PARD3: variants seen among roughly 807,000 people sequenced by gnomAD.
The protein encoded by PARD3 is par-3 family cell polarity regulator.
PARD3 carries 75 observed loss-of-function variants against 155.4 expected under a neutral mutation model. The ratio of observed to expected loss-of-function variants is 0.48; its 90% CI spans 0.40 to 0.58. PARD3 has a LOEUF of 0.58. PARD3 is among the 20% of genes least tolerant of loss of function. The pLI is 0.00. For missense variants in PARD3, 1,642 were observed against 1,721.7 expected (o/e 0.95, Z 0.82); for synonymous variants, 576 against 610.5 (o/e 0.94, Z 0.83).
chr10:34,238,497 CT>C (rs1350780393), intron 22 of PARD3, among the ~76,000 whole-genome samples: 1 of 152,110 alleles, frequency 6.6e-6, no homozygotes, highest in Non-Finnish European at 1.5e-5. Flanking sequence ...AACAAACTCC[CT>C]TAGTCCCAAA....
At chr10:34,446,079 AAAATGT>A (rs2076723962) in intron 5 of PARD3, among the ~76,000 whole-genome samples, 1 of 152,214 alleles carries the variant, frequency 6.6e-6, no homozygotes, top group Non-Finnish European at 1.5e-5. Flanking sequence ...GTTATTAGGA[AAAATGT>A]ATTTGCTTTT....
intron 22 of PARD3, among the ~76,000 whole-genome samples, chr10:34,154,941 T>C (rs545391994): frequency 9.2e-5 from 14 of 152,302 alleles, no homozygotes; most frequent in East Asian, 7.7e-4. Flanking sequence ...ATTATGTAAA[T>C]TGTTGAGAAT....
chr10:34,644,885 A>T (rs1039167504), intron 2 of PARD3, among the ~76,000 whole-genome samples: 4 of 152,162 alleles, frequency 2.6e-5, no homozygotes, highest in African/African-American at 9.7e-5. Flanking sequence ...ATAGGGTCTT[A>T]CTCTGTCGCC....
chr10:34,350,330 C>T (rs1837915623), intron 14 of PARD3, among the ~76,000 whole-genome samples: 1 of 152,114 alleles, frequency 6.6e-6, no homozygotes, highest in Non-Finnish European at 1.5e-5. Context: ...CTTGCAGGCT[C>T]CTTATATTAA....
chr10:34,227,351 C>G (rs1168564554), intron 22 of PARD3, among the ~76,000 whole-genome samples: 1 of 152,034 alleles, frequency 6.6e-6, no homozygotes, highest in Non-Finnish European at 1.5e-5. Flanking sequence ...ATTAAAAAGT[C>G]AAGGCTGGGC....
intron 2 of PARD3, among the ~76,000 whole-genome samples, chr10:34,594,708 G>A (rs567105059): frequency 1.3e-5 from 2 of 152,150 alleles, no homozygotes; most frequent in Admixed American, 6.6e-5. Flanking sequence ...GCTCATGCCC[G>A]TAGTCTCAGC....
chr10:34,636,195 GCC>G (rs1470455343), intron 2 of PARD3, among the ~76,000 whole-genome samples: 1 of 151,974 alleles, frequency 6.6e-6, no homozygotes, highest in African/African-American at 2.4e-5. Flanking sequence ...TGTGCCCAGG[GCC>G]CTCATCAGTT....
intron 20 of PARD3, among the ~76,000 whole-genome samples, chr10:34,306,929 C>G (rs1278451890): frequency 2.0e-5 from 3 of 152,214 alleles, no homozygotes; most frequent in Admixed American, 1.3e-4. Context: ...TTCTGTCCCC[C>G]ACACTGGAGT....
intron 22 of PARD3, among the ~76,000 whole-genome samples, chr10:34,252,217 C>CT (rs1055603099): frequency 3.3e-5 from 5 of 152,134 alleles, no homozygotes; most frequent in African/African-American, 1.2e-4. Context: ...CCCCCAGCTG[C>CT]TGTGCTTTGG....
chr10:34,633,497 T>C (rs1228015495), intron 2 of PARD3, among the ~76,000 whole-genome samples: 1 of 152,244 alleles, frequency 6.6e-6, no homozygotes, highest in Non-Finnish European at 1.5e-5. Context: ...TCTAGTTCCA[T>C]ACACGTTGTC....
At chr10:34,546,398 G>A (rs1045579690) in intron 2 of PARD3, among the ~76,000 whole-genome samples, 2 of 151,800 alleles carry the variant, frequency 1.3e-5, no homozygotes, top group Non-Finnish European at 2.9e-5. Context: ...GCACCTGTAA[G>A]CCTAGCTACT....
chr10:34,226,886 C>T (rs1952626624), intron 22 of PARD3, among the ~76,000 whole-genome samples: 1 of 152,206 alleles, frequency 6.6e-6, no homozygotes, highest in East Asian at 1.9e-4. Context: ...AAGGAAGGAA[C>T]TATTGATATA....
intron 22 of PARD3, among the ~76,000 whole-genome samples, chr10:34,237,497 G>C (rs1432198272): frequency 6.6e-6 from 1 of 152,112 alleles, no homozygotes; most frequent in Non-Finnish European, 1.5e-5. Context: ...TGTAGAAATA[G>C]GAGAAATGCT....
intron 20 of PARD3, among the ~76,000 whole-genome samples, chr10:34,289,691 C>T (rs1196996860): frequency 6.6e-6 from 1 of 152,148 alleles, no homozygotes; most frequent in East Asian, 1.9e-4. Flanking sequence ...TTATTCAGAG[C>T]AGAATTGATT....
At chr10:34,793,099 G>A (rs984804554) in intron 1 of PARD3, among the ~76,000 whole-genome samples, 1 of 152,236 alleles carries the variant, frequency 6.6e-6, no homozygotes, top group African/African-American at 2.4e-5. Context: ...AGAAGCCCAG[G>A]GTGGTGCAGT....
At chr10:34,479,846 CAGAG>C (rs1719392008) in intron 3 of PARD3, among the ~76,000 whole-genome samples, 1 of 152,150 alleles carries the variant, frequency 6.6e-6, no homozygotes, top group African/African-American at 2.4e-5. Flanking sequence ...TTTGCGGACT[CAGAG>C]AGGGGTCTTT....
At chr10:34,430,005 T>C (rs1175837143) in intron 5 of PARD3, among the ~76,000 whole-genome samples, 4 of 152,178 alleles carry the variant, frequency 2.6e-5, no homozygotes, top group Non-Finnish European at 5.9e-5. Flanking sequence ...GCTAAGATTA[T>C]AGGAATGAGT....
chr10:34,645,810 GA>G (rs1350543854), intron 2 of PARD3, among the ~76,000 whole-genome samples: 1 of 152,180 alleles, frequency 6.6e-6, no homozygotes, highest in African/African-American at 2.4e-5. Flanking sequence ...CTGATGAGCA[GA>G]TTTTTAGAGC....
chr10:34,287,560 T>C (rs1422222419), intron 20 of PARD3, among the ~76,000 whole-genome samples: 1 of 152,146 alleles, frequency 6.6e-6, no homozygotes, highest in Non-Finnish European at 1.5e-5. Context: ...TTGGTTGATT[T>C]TGCAAGTTTT....
Sources: gnomAD v4.1 joint callset for allele counts (sites outside exome capture counted in the v4.1 genomes callset) on GRCh38, gnomAD v4.1.1 for gene constraint, MANE v1.5 for transcripts, NCBI Gene and HGNC (gene_info 2026-07-23, HGNC 2026-07-21) for gene names.